Variants in DPYS observed in about 807,000 individuals in gnomAD.
DPYS encodes dihydropyrimidine amidohydrolase.
A neutral mutation model predicts 50.3 loss-of-function variants in DPYS; 39 were observed. The ratio of observed to expected loss-of-function variants is 0.78; its 90% CI spans 0.60 to 1.01. The LOEUF (loss-of-function observed/expected upper bound fraction) is 1.01, where lower values mean the gene tolerates loss of function less well. DPYS is among the 50% of genes least tolerant of loss of function. The pLI, the probability that DPYS is intolerant of heterozygous loss-of-function variation, is 0.00. For missense variants in DPYS, 659 were observed against 680.9 expected (o/e 0.97, Z 0.36); for synonymous variants, 245 against 250.7 (o/e 0.98, Z 0.22).
intron 1 of DPYS, among the ~76,000 whole-genome samples, chr8:104,463,412 A>T (rs1814239220): frequency 6.6e-6 from 1 of 152,238 alleles, no homozygotes; most frequent in African/African-American, 2.4e-5. Flanking sequence ...ATTAAAATGC[A>T]ACTTATATGG....
At chr8:104,408,390 A>G (rs1812065856) in intron 7 of DPYS, among the ~76,000 whole-genome samples, 1 of 152,232 alleles carries the variant, frequency 6.6e-6, no homozygotes, top group Admixed American at 6.5e-5. Context: ...GCATGAATAG[A>G]TATTTCTCCA....
chr8:104,398,907 C>T (rs536794890), intron 7 of DPYS, among the ~76,000 whole-genome samples: 3 of 152,328 alleles, frequency 2.0e-5, no homozygotes, highest in South Asian at 4.1e-4. Flanking sequence ...CAAAGTCAGA[C>T]TCACATAACC....
intron 1 of DPYS, among the ~76,000 whole-genome samples, chr8:104,466,424 T>TA (rs1372077676): frequency 6.6e-6 from 1 of 152,088 alleles, no homozygotes; most frequent in African/African-American, 2.4e-5. Flanking sequence ...GTCGAGGGCA[T>TA]CTGGTTGAGC....
intron 6 of DPYS, among the ~76,000 whole-genome samples, chr8:104,426,268 A>T (rs1037273926): frequency 6.6e-6 from 1 of 152,208 alleles, no homozygotes; most frequent in East Asian, 1.9e-4. Context: ...CACAAACAGA[A>T]CTTTATTTCT....
At chr8:104,426,387 G>A (rs1401979520) in intron 6 of DPYS, among the ~76,000 whole-genome samples, 1 of 152,200 alleles carries the variant, frequency 6.6e-6, no homozygotes, top group South Asian at 2.1e-4. Flanking sequence ...TTGTACTGGA[G>A]TAAAGAATAC....
intron 7 of DPYS, among the ~76,000 whole-genome samples, chr8:104,414,489 A>G (rs1231959853): frequency 6.6e-6 from 1 of 151,560 alleles, no homozygotes; most frequent in Non-Finnish European, 1.5e-5. Context: ...TGCTTTGAGA[A>G]CCTCTGCTCT....
intron 4 of DPYS, among the ~76,000 whole-genome samples, chr8:104,439,891 G>A (rs1331926643): frequency 1.3e-5 from 2 of 152,304 alleles, no homozygotes; most frequent in African/African-American, 2.4e-5. Context: ...GACAGAAAAA[G>A]TTTGGGCTTT....
chr8:104,420,541 A>G (rs1234634590), intron 7 of DPYS: 1 of 152,204 alleles, frequency 6.6e-6, no homozygotes, highest in Non-Finnish European at 1.5e-5. Context: ...ACTGAAAAAA[A>G]TGAATAATGA....
chr8:104,436,923 G>A (rs2250601), intron 4 of DPYS, among the ~76,000 whole-genome samples: 91,918 of 151,818 alleles, frequency 0.61, 28,922 homozygotes, highest in Non-Finnish European at 0.7. Context: ...AAAAGAATAC[G>A]GAACCATGGA....
intron 4 of DPYS, among the ~76,000 whole-genome samples, chr8:104,439,305 C>A (rs1813260809): frequency 6.6e-6 from 1 of 152,072 alleles, no homozygotes; most frequent in Admixed American, 6.6e-5. Context: ...AGTTTAAAAT[C>A]ACTGGCTCTA....
intron 4 of DPYS, among the ~76,000 whole-genome samples, chr8:104,440,294 C>CTTTTTTTTTTTTTTTTTTTTTTTTTTTTT (rs1564105066): frequency 1.6e-4 from 25 of 152,170 alleles, no homozygotes; most frequent in African/African-American, 6.0e-4. Flanking sequence ...AATTGGATCT[C>CTTTTTTTTTTTTTTTTTTTTTTTTTTTTT]CTTTGTGCCT....
At chr8:104,404,147 T>G (rs1811917056) in intron 7 of DPYS, among the ~76,000 whole-genome samples, 1 of 152,172 alleles carries the variant, frequency 6.6e-6, no homozygotes, top group South Asian at 2.1e-4. Flanking sequence ...ATTATTATTA[T>G]TATCCCTATT....
intron 4 of DPYS, among the ~76,000 whole-genome samples, chr8:104,443,020 C>T (rs183256966): frequency 8.5e-5 from 13 of 152,268 alleles, no homozygotes; most frequent in African/African-American, 3.1e-4. Flanking sequence ...TGTACCACTG[C>T]ACTCCAGCCT....
chr8:104,456,055 T>C (rs183739708), intron 1 of DPYS, among the ~76,000 whole-genome samples: 1 of 152,242 alleles, frequency 6.6e-6, no homozygotes, highest in African/African-American at 2.4e-5. Flanking sequence ...ACCTTTTCTA[T>C]GTTTAGCAAT....
intron 7 of DPYS, among the ~76,000 whole-genome samples, chr8:104,415,140 C>A (rs1399981458): frequency 6.6e-6 from 1 of 152,154 alleles, no homozygotes; most frequent in African/African-American, 2.4e-5. Flanking sequence ...TCTATATATA[C>A]CTGGAGCTGT....
rs200495434 is a variant in DPYS, at chr8:104,444,238, C to A, written c.793+10G>T. ...ACTGAGTTCTAAGTGAGGTTACATT[C>A]GAGAATTACCATCTCTCCTTGCATC... is the stretch of plus-strand genomic sequence containing the variant. On this transcript the variant is annotated intron_variant, in intron 4 of 9. Transcript: ENST00000351513. 4,281 of 1,613,932 alleles carry A rather than the reference C, an allele frequency of 2.7e-3. 12 individuals carry two copies. The highest frequency in any genetic ancestry group is 3.3e-3 in the Non-Finnish European group (3,850 of 1,179,908).
chr8:104,463,222 T>A (rs971445564), intron 1 of DPYS, among the ~76,000 whole-genome samples: 1 of 152,220 alleles, frequency 6.6e-6, no homozygotes, highest in Admixed American at 6.5e-5. Flanking sequence ...AAGGTCCATT[T>A]CTGTACCCTT....
At chr8:104,385,002 A>T (rs765391114) in intron 8 of DPYS, among the ~76,000 whole-genome samples, 2 of 152,110 alleles carry the variant, frequency 1.3e-5, no homozygotes, top group Non-Finnish European at 2.9e-5. Context: ...TTTCTTCTCT[A>T]ATATAGTTTC....
intron 7 of DPYS, among the ~76,000 whole-genome samples, chr8:104,413,857 A>G (rs1259097679): frequency 1.3e-5 from 2 of 152,170 alleles, no homozygotes; most frequent in Admixed American, 1.3e-4. Flanking sequence ...TCTGGGACTC[A>G]CATGTTTGCA....
Sources: gnomAD v4.1 joint callset for allele counts (sites outside exome capture counted in the v4.1 genomes callset) on GRCh38, gnomAD v4.1.1 for gene constraint, MANE v1.5 for transcripts, NCBI Gene and HGNC (gene_info 2026-07-23, HGNC 2026-07-21) for gene names.